LAMC2: variants seen among roughly 807,000 people sequenced by gnomAD.
The protein encoded by LAMC2 is laminin subunit gamma 2.
LAMC2 carries 97 observed loss-of-function variants against 140.2 expected under a neutral mutation model. That is an observed-to-expected ratio of 0.69 (90% CI 0.59 to 0.82). The LOEUF (loss-of-function observed/expected upper bound fraction) is 0.82, where lower values mean the gene tolerates loss of function less well. Ranked by LOEUF, LAMC2 falls within the 40% of genes least tolerant of loss-of-function variation. The probability of loss-of-function intolerance (pLI) is 0.00; values close to 1 mark genes in which losing one functional copy is unlikely to be tolerated. For synonymous variants in LAMC2, 513 were observed against 540.2 expected (o/e 0.95, Z 0.70); for missense variants, 1,402 against 1,476.1 (o/e 0.95, Z 0.82).
intron 11 of LAMC2, among the ~76,000 whole-genome samples, chr1:183,230,131 C>T (rs1276423581): frequency 6.6e-6 from 1 of 152,134 alleles, no homozygotes; most frequent in Admixed American, 6.5e-5. Context: ...AGGTTACTAA[C>T]AGAAATTTCA....
chr1:183,218,818 T>C (rs1326533093), intron 4 of LAMC2, among the ~76,000 whole-genome samples: 2 of 152,116 alleles, frequency 1.3e-5, no homozygotes, highest in African/African-American at 4.8e-5. Context: ...TAATCAATAG[T>C]GAGATCCTGG....
intron 2 of LAMC2, 38 bp downstream of exon 2, chr1:183,208,107 A>C (rs756554338): frequency 6.5e-7 from 1 of 1,534,260 alleles, no homozygotes; most frequent in Admixed American, 1.7e-5. Context: ...AGGGAGATGG[A>C]GCAGTGGGGA....
At chr1:183,208,214 T>G in intron 2 of LAMC2, 145 bp downstream of exon 2, 178 of 664,732 alleles carry the variant, frequency 2.7e-4, no homozygotes, top group East Asian at 3.8e-4. Flanking sequence ...AAGAGGGAGA[T>G]GTTCAACCTC....
In LAMC2 at chr1:183,218,486, T is replaced by C; in HGVS notation, c.501T>C (p.Asp167=). The C allele has an allele frequency of 6.2e-7, 1 of 1,611,112 alleles. No individual in the cohort carries two copies. Among genetic ancestry groups the C allele is most frequent in the South Asian group, 1.1e-5 (1 of 90,910 alleles). ...CKPAVTGERC[D]RCRSGYYNLD... ...CAGCTGTCACTGGAGAACGCTGTGA[T>C]AGGTCTGTGTGAACCGTGGCCCTAC... The change falls in exon 4 of 23, where the codon GAT becomes GAC. Residue 167 remains aspartate, a splice_region_variant and synonymous_variant. Transcript: ENST00000264144.
At chr1:183,215,776 T>A (rs932580940) in intron 3 of LAMC2, among the ~76,000 whole-genome samples, 188 bp downstream of exon 3, 1 of 152,166 alleles carries the variant, frequency 6.6e-6, no homozygotes. Context: ...TATATGCATT[T>A]CAAAGATAAA....
At chr1:183,236,388 CAAAA>C (rs34154823) in intron 16 of LAMC2, 68 bp from the exon 17 acceptor site, 15,253 of 1,070,166 alleles carry the variant, frequency 0.014, no homozygotes, top group East Asian at 0.019. Context: ...AACCCTGTCT[CAAAA>C]AAAAAAAAAA....
At chr1:183,220,705 C>T (rs1659439843) in intron 4 of LAMC2, 120 bp from the exon 5 acceptor site, 3 of 1,031,946 alleles carry the variant, frequency 2.9e-6, no homozygotes, top group Admixed American at 2.0e-5. Flanking sequence ...GTATTTCCCT[C>T]CTCTGAAAAT....
rs1057517353 is a variant in LAMC2, at chr1:183,207,945, T to TAATGG, written c.146_150dup (p.Phe51MetfsTer60). 1.9e-6 allele frequency: 3 copies of TAATGG among 1,612,838 alleles called. No individual in the cohort carries two copies. Among genetic ancestry groups the TAATGG allele is most frequent in the Non-Finnish European group, 2.5e-6 (3 of 1,179,852 alleles). ...ATCGGGAACTTCACAGACAAACTGGTAATGGATTCCGCTGCCTCAACTGCA... is the reference window on the plus strand; with the variant it reads ...ATCGGGAACTTCACAGACAAACTGGTAATGGAATGGATTCCGCTGCCTCAACTGCA... On this transcript the variant is annotated frameshift_variant, in exon 2 of 23. Coordinates refer to ENST00000264144, the MANE Select transcript of LAMC2 (RefSeq NM_005562.3). LOFTEE classifies it high-confidence loss of function.
intron 3 of LAMC2, among the ~76,000 whole-genome samples, chr1:183,216,879 T>C (rs979562207): frequency 2.6e-5 from 4 of 152,150 alleles, no homozygotes; most frequent in African/African-American, 4.8e-5. Context: ...GCCCTTGCGA[T>C]CCACACACCT....
rs754417582 is a variant in LAMC2, at chr1:183,226,933, C to T, written c.1285+17C>T. ...CAGACACAGGTGAGTGAAATGACACCTGGACCAGGTGGCTGGGGTGTCATG... is the reference window on the plus strand; with the variant it reads ...CAGACACAGGTGAGTGAAATGACACTTGGACCAGGTGGCTGGGGTGTCATG... On this transcript the variant is annotated intron_variant, in intron 9 of 22. Coordinates refer to ENST00000264144, the MANE Select transcript of LAMC2 (RefSeq NM_005562.3). 4.1e-5 allele frequency: 65 copies of T among 1,599,048 alleles called. No homozygotes were observed. Among genetic ancestry groups the T allele is most frequent in the Admixed American group, 1.0e-4 (6 of 59,964 alleles).
rs902167958 is a variant in LAMC2 at position 183,227,775 on chromosome 1, G to A, written c.1468+78G>A. 12 of 1,322,796 alleles carry A rather than the reference G, an allele frequency of 9.1e-6. No homozygotes were observed. The Admixed American group carries it at 1.1e-4, about 12-fold the overall frequency. 81.9% of individuals were successfully genotyped at this position (1,322,796 alleles called of 1,614,324 possible). On this transcript the variant is annotated intron_variant, in intron 10 of 22. Coordinates refer to ENST00000264144, the MANE Select transcript of LAMC2 (RefSeq NM_005562.3). ...AATGTGTGCAAATAGCTTCCATTCCGAGGAATTCCTAGGAAATTATAATGA... is the reference window on the plus strand; with the variant it reads ...AATGTGTGCAAATAGCTTCCATTCCAAGGAATTCCTAGGAAATTATAATGA...
chr1:183,240,062 A>C lies in LAMC2; in HGVS notation c.3092A>C (p.Glu1031Ala), dbSNP rs1660083562. The change falls in exon 21 of 23, where the codon GAA (glutamate) becomes GCA (alanine). Residue 1031 changes from glutamate to alanine, a missense_variant. Around this residue, in one of 3 missense-constraint regions of LAMC2, gnomAD observed 670 missense variants for 667.2 expected, o/e 1.00. Coordinates refer to ENST00000264144, the MANE Select transcript of LAMC2 (RefSeq NM_005562.3). ...CAGGAGATTGGGAGTCTGAACTTGG[A>C]AGCCAATGTGACAGCAGATGGAGCC... ...IEQEIGSLNL[E>A]ANVTADGALA... is the part of the protein sequence containing the mutation. The C allele has an allele frequency of 3.7e-6, 6 of 1,613,940 alleles. No homozygotes were observed. Among genetic ancestry groups the C allele is most frequent in the Non-Finnish European group, 4.2e-6 (5 of 1,180,030 alleles).
chr1:183,203,113 A>AT (rs1216792272), intron 1 of LAMC2, among the ~76,000 whole-genome samples: 6 of 152,312 alleles, frequency 3.9e-5, no homozygotes, highest in Admixed American at 2.0e-4. Context: ...TCAAAAATAT[A>AT]TATTTTTTTA....
At chr1:183,211,169 T>A (rs564096300) in intron 2 of LAMC2, among the ~76,000 whole-genome samples, 2 of 152,352 alleles carry the variant, frequency 1.3e-5, no homozygotes, top group South Asian at 4.1e-4. Flanking sequence ...ATTTTTAGAT[T>A]ATGACTTTGT....
At chr1:183,232,940 C>A in intron 14 of LAMC2, 83 bp downstream of exon 14, 1 of 1,260,164 alleles carries the variant, frequency 7.9e-7, no homozygotes, top group Non-Finnish European at 1.2e-6. Flanking sequence ...CAATTTCTGT[C>A]TCTCAGTGGC....
chr1:183,189,879 G>A (rs967686620), intron 1 of LAMC2, among the ~76,000 whole-genome samples: 4 of 152,202 alleles, frequency 2.6e-5, no homozygotes, highest in Non-Finnish European at 5.9e-5. Flanking sequence ...CCAGAACGGC[G>A]AATTCAGAAT....
intron 22 of LAMC2, 70 bp from the exon 23 acceptor site, chr1:183,243,077 G>C: frequency 1.3e-6 from 2 of 1,568,480 alleles, no homozygotes; most frequent in Non-Finnish European, 1.8e-6. Flanking sequence ...GGGTATAGAA[G>C]GGCACGGGTG....
rs1387261923 is a variant in LAMC2 at position 183,228,920 on chromosome 1, C to T, written c.1714+301C>T. Among the ~76,000 whole-genome samples the T allele has an allele frequency of 6.6e-6, 1 of 152,168 alleles. No individual in the cohort carries two copies. Among genetic ancestry groups the T allele is most frequent in the Admixed American group, 6.5e-5 (1 of 15,284 alleles). On this transcript the variant is annotated intron_variant, in intron 11 of 22. Transcript: ENST00000264144. This position sits in a 1 kb window ranked among gnomAD's most constrained non-coding sequence, Gnocchi z 4.3. Reference sequence around the variant, plus strand: ...CACGGGGCCACATCCTATGCCCAATCCCAAGGCAGGGAGGCAGGGAAGTGG... The same window carrying T: ...CACGGGGCCACATCCTATGCCCAATTCCAAGGCAGGGAGGCAGGGAAGTGG...
At chr1:183,232,117 AC>A in intron 12 of LAMC2, 69 bp from the exon 13 acceptor site, 1 of 1,566,776 alleles carries the variant, frequency 6.4e-7, no homozygotes, top group Non-Finnish European at 8.8e-7. Flanking sequence ...TCCCCTGGGT[AC>A]CTGGTATTGG....
Sources: gnomAD v4.1 joint callset for allele counts (sites outside exome capture counted in the v4.1 genomes callset) on GRCh38, gnomAD v4.1.1 for gene constraint, gnomAD v4.1.1 regional missense constraint, Gnocchi (gnomAD v3.1) non-coding constraint, MANE v1.5 for transcripts, NCBI Gene and HGNC (gene_info 2026-07-23, HGNC 2026-07-21) for gene names.